Variants in ARHGEF17 observed in about 807,000 individuals in gnomAD.
The protein encoded by ARHGEF17 is 164 kDa Rho-specific guanine-nucleotide exchange factor.
Under a neutral mutation model 174.0 loss-of-function variants are expected in ARHGEF17, and 80 were observed. The ratio of observed to expected loss-of-function variants is 0.46; its 90% CI spans 0.38 to 0.55. ARHGEF17 has a LOEUF of 0.55. Ranked by LOEUF, ARHGEF17 falls within the 20% of genes least tolerant of loss-of-function variation. The pLI, the probability that ARHGEF17 is intolerant of heterozygous loss-of-function variation, is 0.00. For synonymous variants in ARHGEF17, 1,311 were observed against 1,189.1 expected, an observed-to-expected ratio of 1.10 and a Z score of -2.11; for missense variants, 2,886 against 2,839.7, an observed-to-expected ratio of 1.02 and a Z score of -0.37.
rs1864726022 is a variant in ARHGEF17 at position 73,308,408 on chromosome 11, T to TG, written c.-226dup. The TG allele has an allele frequency of 1.2e-5, 5 of 402,422 alleles. No homozygotes were observed. In the Admixed American group the frequency reaches 2.3e-4, roughly 18 times the overall value. The allele number at this position is 402,422 out of a possible 1,614,324, so 24.9% of individuals were successfully genotyped here. On this transcript the variant is annotated 5_prime_UTR_variant, in exon 1 of 21. Transcript: ENST00000263674. ...CTCCAGCCGCGGCGGGGGCTGGGCC[T>TG]GGGGGTCGGCGCTGAGGCGGGAGGG...
At chr11:73,348,400 G>A (rs896444127) in intron 2 of ARHGEF17, among the ~76,000 whole-genome samples, 4 of 152,164 alleles carry the variant, frequency 2.6e-5, no homozygotes, top group African/African-American at 9.7e-5. Flanking sequence ...ATGCAGAAGT[G>A]CACACACAGA....
At chr11:73,323,277 G>A (rs965811370) in intron 1 of ARHGEF17, among the ~76,000 whole-genome samples, 3 of 152,224 alleles carry the variant, frequency 2.0e-5, no homozygotes, top group African/African-American at 7.2e-5. Flanking sequence ...CCTAAGACAA[G>A]TCCCTCTGCC....
rs372668780 is a variant in ARHGEF17 at position 73,310,896 on chromosome 11, T to G, written c.2258T>G (p.Phe753Cys). The G allele has an allele frequency of 3.7e-6, 6 of 1,613,126 alleles. No individual in the cohort carries two copies. The African/African-American group carries it at 8.0e-5, about 22-fold the overall frequency. Residue 753 changes from phenylalanine (F) to cysteine (C), a missense_variant, in exon 1 of 21, where the codon TTC (phenylalanine) becomes TGC (cysteine). Physicochemically the swap from Phe to Cys is radical, Grantham distance 205. Transcript: ENST00000263674. ...GCCACCTCTGAAGAGCCTACTGGGTTCTCTGTGGACAGCAACCTCCTGGGC... is the reference window on the plus strand; with the variant it reads ...GCCACCTCTGAAGAGCCTACTGGGTGCTCTGTGGACAGCAACCTCCTGGGC... ...RAATSEEPTG[F>C]SVDSNLLGSL...
Position 73,367,848 on chromosome 11 carries a change from A to G in ARHGEF17, c.*68A>G. 2 of 1,495,464 alleles carry G rather than the reference A, an allele frequency of 1.3e-6. No homozygotes were observed. The highest frequency in any genetic ancestry group is 1.8e-6 in the Non-Finnish European group (2 of 1,100,536). 92.6% of individuals were successfully genotyped at this position (1,495,464 alleles called of 1,614,324 possible). A position where few individuals can be genotyped will look rare whatever the true frequency, so the allele number is the denominator to read the frequency against. On this transcript the variant is annotated 3_prime_UTR_variant, in exon 21 of 21. Coordinates refer to ENST00000263674, the MANE Select transcript of ARHGEF17 (RefSeq NM_014786.4). Reference sequence around the variant, plus strand: ...CAGCCTGCTTGCCTCTCCCTAGCCCACACGCAGACTTTGACCAGGAGTATC... The same window carrying G: ...CAGCCTGCTTGCCTCTCCCTAGCCCGCACGCAGACTTTGACCAGGAGTATC...
At chr11:73,324,555 G>A (rs1865071232) in intron 1 of ARHGEF17, among the ~76,000 whole-genome samples, 1 of 152,218 alleles carries the variant, frequency 6.6e-6, no homozygotes, top group South Asian at 2.1e-4. Flanking sequence ...GCAGACACAG[G>A]CCCAGAGAAG....
rs140675774 is a variant in ARHGEF17, at chr11:73,341,501, G to A, written c.3193-5382G>A. Among the ~76,000 whole-genome samples the A allele has an allele frequency of 6.1e-3, 924 of 152,078 alleles. 9 individuals carry two copies. The highest frequency in any genetic ancestry group is 0.027 in the Middle Eastern group (8 of 292). On this transcript the variant is annotated intron_variant, in intron 1 of 20. Transcript: ENST00000263674. ...TTGTATTTTTTTTTTTAATAGAGAT[G>A]GGGTTTCTCCATATTGGTCAGGCTG...
Position 73,355,571 on chromosome 11 carries a change from T to C in ARHGEF17, c.3492T>C (p.Tyr1164=). ...KDVLVNIYSA[Y]IDNFLNAKDA... is the part of the protein sequence containing the mutation. ...TCCTAGTAAACATCTATTCTGCCTA[T>C]ATCGATAACTTCCTCAATGCAAAGG... The change falls in exon 4 of 21, where the codon TAT becomes TAC. Residue 1164 remains tyrosine (Y), a synonymous_variant. Transcript: ENST00000263674. 1.2e-6 allele frequency: 2 copies of C among 1,614,192 alleles called. No individual in the cohort carries two copies. The highest frequency in any genetic ancestry group is 1.7e-6 in the Non-Finnish European group (2 of 1,179,992).
intron 1 of ARHGEF17, among the ~76,000 whole-genome samples, chr11:73,316,897 TA>T (rs1238525242): frequency 6.6e-6 from 1 of 152,196 alleles, no homozygotes; most frequent in Non-Finnish European, 1.5e-5. Flanking sequence ...GCTGCTGGAA[TA>T]ATCTGGACAA....
At chr11:73,343,721 C>T (rs967705606) in intron 1 of ARHGEF17, among the ~76,000 whole-genome samples, 2 of 152,008 alleles carry the variant, frequency 1.3e-5, no homozygotes, top group South Asian at 2.1e-4. Flanking sequence ...GCAGCGTCCC[C>T]GTTCTCGCTC....
At chr11:73,357,382 C>CT in intron 9 of ARHGEF17, 55 bp downstream of exon 9, 1 of 1,508,202 alleles carries the variant, frequency 6.6e-7, no homozygotes, top group Non-Finnish European at 9.0e-7. Flanking sequence ...AGAAGCCCTC[C>CT]TGGAGGGTCT....
In ARHGEF17 at chr11:73,364,612, T is replaced by TG; in HGVS notation, c.5550+17dup. On this transcript the variant is annotated intron_variant, in intron 18 of 20. Coordinates refer to ENST00000263674, the MANE Select transcript of ARHGEF17 (RefSeq NM_014786.4). ...CGCTGCAGCTGGAGGTAGCAGGGGG[T>TG]GGGGGAATGGAATTGGTGCCATGGG... 7 of 1,599,652 alleles carry TG rather than the reference T, an allele frequency of 4.4e-6. No homozygotes were observed. The highest frequency in any genetic ancestry group is 6.0e-6 in the Non-Finnish European group (7 of 1,174,696).
intron 1 of ARHGEF17, among the ~76,000 whole-genome samples, chr11:73,336,575 G>A (rs896765568): frequency 1.3e-5 from 2 of 152,220 alleles, no homozygotes; most frequent in South Asian, 4.1e-4. Context: ...GGTGAGGTTG[G>A]AGTCCCAGCT....
At position 73,360,507 on chromosome 11, in the gene ARHGEF17, C is replaced by G. The variant is rs2298808; in HGVS notation, c.4394C>G (p.Ala1465Gly). Reference protein sequence around the residue: ...HPDARLGFEQAFDEAKRKLAS... With the variant: ...HPDARLGFEQGFDEAKRKLAS... Reference sequence around the variant, plus strand: ...GACGCCCGCCTTGGTTTTGAACAGGCCTTCGATGAGGCCAAGAGGAAGCTG... The same window carrying G: ...GACGCCCGCCTTGGTTTTGAACAGGGCTTCGATGAGGCCAAGAGGAAGCTG... Residue 1465 changes from alanine (A) to glycine (G), a missense_variant, in exon 11 of 21, where the codon GCC becomes GGC. Coordinates refer to ENST00000263674, the MANE Select transcript of ARHGEF17 (RefSeq NM_014786.4). The G allele has an allele frequency of 1.9e-6, 3 of 1,613,818 alleles. No individual in the cohort carries two copies. Among genetic ancestry groups the G allele is most frequent in the Non-Finnish European group, 2.5e-6 (3 of 1,180,052 alleles).
chr11:73,363,681 G>T, intron 15 of ARHGEF17, 66 bp from the exon 16 acceptor site: 1 of 1,590,812 alleles, frequency 6.3e-7, no homozygotes, highest in Admixed American at 1.7e-5. Flanking sequence ...GCAAAGAGGT[G>T]GAGGGATGAC....
chr11:73,315,611 C>G (rs1046796870), intron 1 of ARHGEF17, among the ~76,000 whole-genome samples: 1 of 152,086 alleles, frequency 6.6e-6, no homozygotes, highest in Non-Finnish European at 1.5e-5. Context: ...CTGAGCGGTA[C>G]CAAATATCTA....
chr11:73,329,562 G>C (rs1049453564), intron 1 of ARHGEF17, among the ~76,000 whole-genome samples: 16 of 150,804 alleles, frequency 1.1e-4, no homozygotes, highest in Non-Finnish European at 1.6e-4. Context: ...ACCACGCCCA[G>C]CTAATTTTTG....
At position 73,364,538 on chromosome 11, in the gene ARHGEF17, C is replaced by A; in HGVS notation, c.5488C>A (p.Arg1830=). The stretch of plus-strand genomic sequence containing the variant: ...CACCAAGATGGTATCTGTGGGTGGG[C>A]GGCTGTGGTGTGGCTGCCAGAACCG... ...PITKMVSVGG[R]LWCGCQNRVL... The change falls in exon 18 of 21, where the codon CGG becomes AGG. Residue 1830 remains arginine, a synonymous_variant. Transcript: ENST00000263674. The A allele has an allele frequency of 6.2e-7, 1 of 1,613,734 alleles. No homozygotes were observed. Among genetic ancestry groups the A allele is most frequent in the Non-Finnish European group, 8.5e-7 (1 of 1,179,934 alleles).
At chr11:73,351,680 C>T (rs1328323222) in intron 2 of ARHGEF17, among the ~76,000 whole-genome samples, 1 of 152,110 alleles carries the variant, frequency 6.6e-6, no homozygotes, top group Non-Finnish European at 1.5e-5. Context: ...CTCCCAGGTT[C>T]AAGCAATTCT....
chr11:73,362,566 A>G lies in ARHGEF17; in HGVS notation c.4828A>G (p.Ile1610Val), dbSNP rs1293534801. The G allele has an allele frequency of 1.9e-6, 3 of 1,609,710 alleles. No homozygotes were observed. The highest frequency in any genetic ancestry group is 2.5e-6 in the Non-Finnish European group (3 of 1,179,696). Residue 1610 changes from isoleucine (I) to valine (V), a missense_variant, in exon 14 of 21, where the codon ATC (isoleucine) becomes GTC (valine). Ile to Val is a conservative substitution (Grantham distance 29). Transcript: ENST00000263674. ...GCCGGGGCCGCAGCCCTGCCTTCACATCTCCATTGCAGGCTCGGGCTTGGA... is the reference window on the plus strand; with the variant it reads ...GCCGGGGCCGCAGCCCTGCCTTCACGTCTCCATTGCAGGCTCGGGCTTGGA... ...AEPGPQPCLH[I>V]SIAGSGLEMT...
Sources: allele counts gnomAD v4.1 joint callset (sites outside exome capture counted in the v4.1 genomes callset), GRCh38; gene constraint gnomAD v4.1.1; transcripts MANE v1.5; gene names NCBI Gene and HGNC (gene_info 2026-07-23, HGNC 2026-07-21).